The following OOSP2 variants were observed in gnomAD, a reference collection of about 807,000 sequenced individuals.
OOSP2 encodes the protein oocyte-secreted protein 2.
OOSP2 carries 7 observed loss-of-function variants against 13.4 expected under a neutral mutation model. The ratio of observed to expected loss-of-function variants is 0.52; its 90% CI spans 0.30 to 0.98. The LOEUF (loss-of-function observed/expected upper bound fraction) is 0.98, where lower values mean the gene tolerates loss of function less well. Among genes scored for constraint, OOSP2 ranks in the 50% least tolerant of loss-of-function variants. The probability of loss-of-function intolerance (pLI) is 0.07; values close to 1 mark genes in which losing one functional copy is unlikely to be tolerated. For missense variants in OOSP2, 184 were observed against 188.5 expected (o/e 0.98, Z 0.14); for synonymous variants, 75 against 67.2 (o/e 1.12, Z -0.57).
At chr11:60,043,059 C>T (rs1353896187) in intron 1 of OOSP2, among the ~76,000 whole-genome samples, 2 of 152,184 alleles carry the variant, frequency 1.3e-5, no homozygotes, top group Non-Finnish European at 2.9e-5. Context: ...CGCTTGCCAC[C>T]ACACCCGGCT....
chr11:60,042,948 A>G (rs935429811), intron 1 of OOSP2, among the ~76,000 whole-genome samples: 2 of 151,280 alleles, frequency 1.3e-5, no homozygotes, highest in Non-Finnish European at 2.9e-5. Context: ...TCTGTCACCC[A>G]GGCTGGAGTG....
intron 3 of OOSP2, 25 bp from the exon 4 acceptor site, chr11:60,046,919 T>G (rs1855014821): frequency 6.2e-7 from 1 of 1,602,216 alleles, no homozygotes; most frequent in Admixed American, 1.7e-5. Context: ...CAACACTATC[T>G]GCTTTCTGTT....
chr11:60,046,904 T>A, intron 3 of OOSP2, 40 bp from the exon 4 acceptor site: 10 of 1,577,644 alleles, frequency 6.3e-6, no homozygotes, highest in Non-Finnish European at 7.8e-6. Context: ...TGATCCCAAG[T>A]GCTCCAACAC....
chr11:60,045,622 C>CAT (rs1490003021), intron 3 of OOSP2, among the ~76,000 whole-genome samples: 1 of 151,514 alleles, frequency 6.6e-6, no homozygotes, highest in Non-Finnish European at 1.5e-5. Flanking sequence ...TACATTTGTA[C>CAT]AAGTTGTAAA....
chr11:60,045,703 A>T (rs912198297), intron 3 of OOSP2, among the ~76,000 whole-genome samples: 4 of 152,214 alleles, frequency 2.6e-5, no homozygotes, highest in Admixed American at 2.6e-4. Context: ...GGTAAAATGT[A>T]CATAATCTAA....
intron 3 of OOSP2, among the ~76,000 whole-genome samples, chr11:60,045,297 G>A (rs1202935960): frequency 1.3e-5 from 2 of 151,822 alleles, no homozygotes; most frequent in African/African-American, 2.4e-5. Flanking sequence ...CAATTTTGTG[G>A]AACTGAGATA....
chr11:60,046,120 CCTGTCTCTCTGGCCTGTCTCT>C (rs1855005095), intron 3 of OOSP2, among the ~76,000 whole-genome samples: 1 of 150,722 alleles, frequency 6.6e-6, no homozygotes, highest in Non-Finnish European at 1.5e-5. Flanking sequence ...CTGGTCTGTC[CCTGTCTCTCTGGCCTGTCTCT>C]CTGTCTCTCT....
chr11:60,043,657 G>A lies in OOSP2; in HGVS notation c.243+10G>A, dbSNP rs1176441212. ...TGGCATCAGGACAAGGGTAAGAACA[G>A]TGATTGTTTGTAAAAAATACTGCAT... is the stretch of plus-strand genomic sequence containing the variant. On this transcript the variant is annotated intron_variant, in intron 2 of 3. Coordinates refer to ENST00000278855, the MANE Select transcript of OOSP2 (RefSeq NM_173801.5). The A allele has an allele frequency of 6.8e-7, 1 of 1,460,762 alleles. No individual in the cohort carries two copies. The highest frequency in any genetic ancestry group is 1.8e-5 in the Admixed American group (1 of 55,710). The allele number at this position is 1,460,762 out of a possible 1,614,324, so 90.5% of individuals were successfully genotyped here. A position where few individuals can be genotyped will look rare whatever the true frequency, so the allele number is the denominator to read the frequency against.
chr11:60,044,049 T>C (rs955431608), intron 2 of OOSP2, among the ~76,000 whole-genome samples: 17 of 152,352 alleles, frequency 1.1e-4, no homozygotes, highest in African/African-American at 3.1e-4. Context: ...TGGATTTTCA[T>C]TGAAATGAAA....
rs201960122 is a variant in OOSP2, at chr11:60,043,421, C to G, written c.65-48C>G. 3,344 of 1,294,532 alleles carry G rather than the reference C, an allele frequency of 2.6e-3. 12 individuals are homozygous for G. Among genetic ancestry groups the G allele is most frequent in the Non-Finnish European group, 3.2e-3 (2,896 of 907,454 alleles). 80.2% of individuals were successfully genotyped at this position (1,294,532 alleles called of 1,614,324 possible). On this transcript the variant is annotated intron_variant, in intron 1 of 3. Transcript: ENST00000278855. ...GAGTTGACTATTCTTTGAACACTTT[C>G]TTAAGATAGACACCCTTCTGATGCT...
At position 60,043,541 on chromosome 11, in the gene OOSP2, T is replaced by C; in HGVS notation, c.137T>C (p.Ile46Thr). 1 of 1,612,148 alleles carries C rather than the reference T, an allele frequency of 6.2e-7. No individual in the cohort carries two copies. The highest frequency in any genetic ancestry group is 1.7e-5 in the Admixed American group (1 of 59,994). ...IPVAESRNLY[I>T]FADELHLGMG... ...GTTGCAGAAAGCAGAAATCTGTATA[T>C]ATTTGCGGATGAATTACATCTGGGA... The change falls in exon 2 of 4, where the codon ATA becomes ACA. Residue 46 changes from isoleucine to threonine, a missense_variant. Coordinates refer to ENST00000278855, the MANE Select transcript of OOSP2 (RefSeq NM_173801.5).
Position 60,044,709 on chromosome 11 carries a change from G to C in OOSP2, c.282G>C (p.Leu94=). ...SEETLLFQTE[L]YFTPRNIDHD... ...AAACTCTCCTTTTTCAAACCGAGCT[G>C]TACTTTACCCCAAGGAATATAGATC... Residue 94 remains leucine (L), a synonymous_variant, in exon 3 of 4, where the codon CTG becomes CTC. Coordinates refer to ENST00000278855, the MANE Select transcript of OOSP2 (RefSeq NM_173801.5). 2 of 1,603,514 alleles carry C rather than the reference G, an allele frequency of 1.2e-6. No individual in the cohort carries two copies. The highest frequency in any genetic ancestry group is 1.7e-6 in the Non-Finnish European group (2 of 1,171,230).
Position 60,040,504 on chromosome 11 carries a change from C to A in OOSP2, c.45C>A (p.Thr15=), listed in dbSNP as rs373430853. The change falls in exon 1 of 4, where the codon ACC becomes ACA. Residue 15 remains threonine (T), a synonymous_variant. Coordinates refer to ENST00000278855, the MANE Select transcript of OOSP2 (RefSeq NM_173801.5). ...TGCTCCTCGCTGTCTTGATTTGGACCGGTGCTGAGAACCTCCATGGTAAAT... is the reference window on the plus strand; with the variant it reads ...TGCTCCTCGCTGTCTTGATTTGGACAGGTGCTGAGAACCTCCATGGTAAAT... ...VLMLLAVLIW[T]GAENLHVKIS... The A allele has an allele frequency of 6.3e-7, 1 of 1,596,230 alleles. No homozygotes were observed. Among genetic ancestry groups the A allele is most frequent in the Admixed American group, 1.7e-5 (1 of 60,004 alleles).
At position 60,043,484 on chromosome 11, in the gene OOSP2, C is replaced by T. The variant is rs1447159759; in HGVS notation, c.80C>T (p.Ser27Phe). The change falls in exon 2 of 4, where the codon TCT becomes TTT. Residue 27 changes from serine to phenylalanine, a missense_variant. Physicochemically the swap from Ser to Phe is radical, Grantham distance 155 (BLOSUM62 -2). Transcript: ENST00000278855. ...CTTTCCACAGTGAAAATAAGTTGCT[C>T]TCTGGACTGGTTGATGGTCTCAGTT... ...AENLHVKISC[S>F]LDWLMVSVIP... 3 of 1,612,394 alleles carry T rather than the reference C, an allele frequency of 1.9e-6. No homozygotes were observed. The highest frequency in any genetic ancestry group is 2.5e-6 in the Non-Finnish European group (3 of 1,178,500).
At chr11:60,041,007 A>G (rs921887143) in intron 1 of OOSP2, among the ~76,000 whole-genome samples, 2 of 152,196 alleles carry the variant, frequency 1.3e-5, no homozygotes, top group African/African-American at 4.8e-5. Context: ...CGGTTCTGCA[A>G]AGTTAATAGG....
intron 3 of OOSP2, chr11:60,046,662 C>T (rs1049646046): frequency 9.4e-6 from 5 of 529,812 alleles, no homozygotes; most frequent in Admixed American, 6.7e-5. Flanking sequence ...CATTGGTACT[C>T]TTCTAATGCA....
At chr11:60,042,910 AT>A (rs968085693) in intron 1 of OOSP2, among the ~76,000 whole-genome samples, 10 of 147,392 alleles carry the variant, frequency 6.8e-5, no homozygotes, top group South Asian at 2.2e-4. Context: ...TTTCTTTCTT[AT>A]TTTTTTTTTC....
Position 60,047,213 on chromosome 11 carries a change from C to T in OOSP2, c.*140C>T. 3.1e-6 allele frequency: 2 copies of T among 636,874 alleles called. No homozygotes were observed. Among genetic ancestry groups the T allele is most frequent in the Admixed American group, 3.0e-5 (1 of 33,218 alleles). 39.5% of individuals were successfully genotyped at this position (636,874 alleles called of 1,614,324 possible). A position where few individuals can be genotyped will look rare whatever the true frequency, so the allele number is the denominator to read the frequency against. On this transcript the variant is annotated 3_prime_UTR_variant, in exon 4 of 4. Coordinates refer to ENST00000278855, the MANE Select transcript of OOSP2 (RefSeq NM_173801.5). ...CTAAAAACCCTACTTCAGTAAAGGT[C>T]CTGATTAGTTGATTAGTGAATGTGT...
intron 2 of OOSP2, among the ~76,000 whole-genome samples, chr11:60,044,124 A>G (rs1854976121): frequency 6.6e-6 from 1 of 152,244 alleles, no homozygotes; most frequent in South Asian, 2.1e-4. Flanking sequence ...TTATCTTCTC[A>G]CAGATTCCCA....
Sources: allele counts gnomAD v4.1 joint callset (sites outside exome capture counted in the v4.1 genomes callset), GRCh38; gene constraint gnomAD v4.1.1; transcripts MANE v1.5; gene names NCBI Gene and HGNC (gene_info 2026-07-23, HGNC 2026-07-21).